The following EZR variants were observed in gnomAD, a reference collection of about 807,000 sequenced individuals.
The protein encoded by EZR is cytovillin 2.
Under a neutral mutation model 74.8 loss-of-function variants are expected in EZR, and 40 were observed. That is an observed-to-expected ratio of 0.53 (90% confidence interval 0.42 to 0.70). The LOEUF (loss-of-function observed/expected upper bound fraction) is 0.70. Among genes scored for constraint, EZR ranks in the 30% least tolerant of loss-of-function variants. The pLI is 0.00. For missense variants in EZR, 678 were observed against 755.8 expected, an observed-to-expected ratio of 0.90 and a Z score of 1.21; for synonymous variants, 341 against 283.3, an observed-to-expected ratio of 1.20 and a Z score of -2.05.
chr6:158,809,546 T>C (rs1777410213), intron 2 of EZR, among the ~76,000 whole-genome samples: 1 of 152,234 alleles, frequency 6.6e-6, no homozygotes, highest in African/African-American at 2.4e-5. Flanking sequence ...AGCACCACGA[T>C]GCCTCTCCTC....
chr6:158,813,908 G>A (rs2128577532), intron 2 of EZR, among the ~76,000 whole-genome samples: 1 of 152,270 alleles, frequency 6.6e-6, no homozygotes, highest in South Asian at 2.1e-4. Context: ...TCCTTCCAGA[G>A]CTTAACTACA....
chr6:158,782,125 A>G (rs978113772), intron 7 of EZR, among the ~76,000 whole-genome samples: 1 of 152,046 alleles, frequency 6.6e-6, no homozygotes, highest in Non-Finnish European at 1.5e-5. Flanking sequence ...AGAGTCCTCA[A>G]TATCTCATTT....
chr6:158,803,527 TTATATATATATATATATGTATATATA>T (rs1562504150), intron 2 of EZR, among the ~76,000 whole-genome samples: 264 of 20,434 alleles, frequency 0.013, 22 homozygotes, highest in Admixed American at 0.022. Context: ...TTATGTAACA[TTATATATATATATATATGTATATATA>T]TATATATATA....
At chr6:158,812,494 A>T (rs1777470431) in intron 2 of EZR, among the ~76,000 whole-genome samples, 1 of 152,194 alleles carries the variant, frequency 6.6e-6, no homozygotes, top group African/African-American at 2.4e-5. Flanking sequence ...TGTACACAAA[A>T]TTTTGAGAAC....
At chr6:158,795,886 A>C (rs555802539) in intron 2 of EZR, among the ~76,000 whole-genome samples, 1 of 152,322 alleles carries the variant, frequency 6.6e-6, no homozygotes, top group South Asian at 2.1e-4. Context: ...CTAGCTCTGT[A>C]ATCTGAGGAC....
At chr6:158,791,630 A>T (rs181536540) in intron 2 of EZR, among the ~76,000 whole-genome samples, 2 of 151,752 alleles carry the variant, frequency 1.3e-5, no homozygotes, top group African/African-American at 4.8e-5. Flanking sequence ...CCCAAGTACA[A>T]TTAGAACTGA....
At chr6:158,812,905 A>T (rs2128577291) in intron 2 of EZR, among the ~76,000 whole-genome samples, 1 of 152,202 alleles carries the variant, frequency 6.6e-6, no homozygotes, top group South Asian at 2.1e-4. Context: ...AAGAACTCTC[A>T]AATGCATCCA....
At chr6:158,808,684 G>A (rs553342176) in intron 2 of EZR, among the ~76,000 whole-genome samples, 4 of 152,268 alleles carry the variant, frequency 2.6e-5, no homozygotes, top group Admixed American at 6.5e-5. Flanking sequence ...TTACAGATGA[G>A]GAGGCAGAGG....
intron 2 of EZR, among the ~76,000 whole-genome samples, chr6:158,791,074 T>TAA: frequency 6.6e-6 from 1 of 152,158 alleles, no homozygotes; most frequent in African/African-American, 2.4e-5. Flanking sequence ...GGAACATAAT[T>TAA]AGTCTCCCCA....
intron 7 of EZR, 121 bp from the exon 8 acceptor site, chr6:158,776,625 G>C (rs1432823016): frequency 2.8e-6 from 2 of 704,758 alleles, no homozygotes; most frequent in Non-Finnish European, 4.7e-6. Context: ...TAACCCAAGA[G>C]GCACAATGTG....
intron 2 of EZR, among the ~76,000 whole-genome samples, chr6:158,815,609 G>T (rs1777536973): frequency 6.6e-6 from 1 of 152,188 alleles, no homozygotes; most frequent in African/African-American, 2.4e-5. Context: ...CTCAGTCAGA[G>T]CGCCAGCCAC....
At chr6:158,776,375 A>G in intron 8 of EZR, 33 bp downstream of exon 8, 2 of 1,523,126 alleles carry the variant, frequency 1.3e-6, no homozygotes, top group Non-Finnish European at 1.8e-6. Flanking sequence ...AATGAAAAAC[A>G]GTAGCCCCTG....
intron 2 of EZR, among the ~76,000 whole-genome samples, chr6:158,809,198 CTA>C (rs1365220419): frequency 2.5e-4 from 37 of 148,594 alleles, no homozygotes; most frequent in Middle Eastern, 3.2e-3. Context: ...AGACCGAGTT[CTA>C]TGAGTGCAGT....
chr6:158,770,771 TG>T lies in EZR; in HGVS notation c.1082del (p.Ala361GlufsTer29). 2 of 1,614,212 alleles carry T rather than the reference TG, an allele frequency of 1.2e-6. No homozygotes were observed. Among genetic ancestry groups the T allele is most frequent in the Non-Finnish European group, 1.7e-6 (2 of 1,180,034 alleles). ...LQDYEEKTKK[A>X]ERELSEQIQR... ...AGCCCCAGGGCGCCTGACCTCTCTC[TG>T]CCTTCTTTGTCTTCTCCTCATAGTC... On this transcript the variant is annotated frameshift_variant, in exon 10 of 14. Transcript: ENST00000367075. LOFTEE classifies it high-confidence loss of function.
intron 2 of EZR, among the ~76,000 whole-genome samples, chr6:158,810,669 C>CT (rs1343786789): frequency 6.6e-6 from 1 of 152,160 alleles, no homozygotes; most frequent in African/African-American, 2.4e-5. Flanking sequence ...ATAACCCAAA[C>CT]TGTTCATATT....
Position 158,784,644 on chromosome 6 carries a change from T to C in EZR, c.551A>G (p.Lys184Arg). ...CCCAACAGCAGGGCACAGCACTCAC[T>C]TGAGCATCCCACGGTGTTCCGCATG... ...VWHAEHRGML[K>R]DNAMLEYLKI... Residue 184 changes from lysine (K) to arginine (R), a missense_variant and splice_region_variant, in exon 6 of 14, where the codon AAA (lysine) becomes AGA (arginine). Lys to Arg is a conservative substitution (Grantham distance 26, BLOSUM62 2). Transcript: ENST00000367075. 1.9e-6 allele frequency: 3 copies of C among 1,613,984 alleles called. No individual in the cohort carries two copies. Among genetic ancestry groups the C allele is most frequent in the African/African-American group, 1.3e-5 (1 of 75,044 alleles).
intron 2 of EZR, among the ~76,000 whole-genome samples, chr6:158,801,691 C>T (rs1348065970): frequency 2.0e-5 from 3 of 152,214 alleles, no homozygotes; most frequent in African/African-American, 7.2e-5. Context: ...TTGGAACTCA[C>T]AAGAGTCCAC....
intron 2 of EZR, among the ~76,000 whole-genome samples, chr6:158,813,940 C>T (rs1160148343): frequency 2.0e-5 from 3 of 152,176 alleles, no homozygotes; most frequent in Non-Finnish European, 4.4e-5. Flanking sequence ...TGCTCACTCC[C>T]CATGCCTTCT....
intron 7 of EZR, among the ~76,000 whole-genome samples, chr6:158,782,487 T>C (rs946064576): frequency 3.3e-5 from 5 of 152,202 alleles, no homozygotes; most frequent in Non-Finnish European, 7.3e-5. Context: ...AGGAACAGCA[T>C]GAGGCTGGGA....
Sources: allele counts gnomAD v4.1 joint callset (sites outside exome capture counted in the v4.1 genomes callset), GRCh38; gene constraint gnomAD v4.1.1; transcripts MANE v1.5; gene names NCBI Gene and HGNC (gene_info 2026-07-23, HGNC 2026-07-21).